Variants in FBXO16 observed in about 807,000 individuals in gnomAD.
FBXO16 encodes F-box only protein 16.
FBXO16 carries 31 observed loss-of-function variants against 41.0 expected under a neutral mutation model. The ratio of observed to expected loss-of-function variants is 0.76; its 90% CI spans 0.57 to 1.02. FBXO16 has a LOEUF of 1.02. Ranked by LOEUF, FBXO16 falls within the 50% of genes least tolerant of loss-of-function variation. The pLI, the probability that FBXO16 is intolerant of heterozygous loss-of-function variation, is 0.00. For missense variants in FBXO16, 361 were observed against 346.2 expected (o/e 1.04, Z -0.34); for synonymous variants, 133 against 117.8 (o/e 1.13, Z -0.84).
At chr8:28,437,527 T>C (rs1041409691) in intron 7 of FBXO16, among the ~76,000 whole-genome samples, 7 of 152,302 alleles carry the variant, frequency 4.6e-5, no homozygotes, top group African/African-American at 1.2e-4. Context: ...ACATAATCCA[T>C]GGCACTGAGT....
intron 2 of FBXO16, among the ~76,000 whole-genome samples, chr8:28,477,435 T>C (rs1193277561): frequency 6.6e-6 from 1 of 152,178 alleles, no homozygotes; most frequent in Non-Finnish European, 1.5e-5. Flanking sequence ...AGAAGGGACC[T>C]TCAAGGTCAT....
intron 3 of FBXO16, chr8:28,465,519 G>T (rs1347561090): frequency 1.4e-5 from 5 of 350,284 alleles, no homozygotes; most frequent in Non-Finnish European, 2.4e-5. Flanking sequence ...GGAGGCTGAG[G>T]TGGGAGAATT....
At position 28,474,316 on chromosome 8, in the gene FBXO16, C is replaced by CA; in HGVS notation, c.100-510dup. 6.7e-3 allele frequency among the ~76,000 whole-genome samples: 379 copies of CA among 56,636 alleles called. 69 individuals are homozygous for CA. Among genetic ancestry groups the CA allele is most frequent in the Non-Finnish European group, 9.7e-3 (289 of 29,726 alleles). The allele number at this position is 56,636 out of a possible 152,430, so 37.2% of individuals were successfully genotyped here. A position where few individuals can be genotyped will look rare whatever the true frequency, so the allele number is the denominator to read the frequency against. ...CCTGGGTAACAGAGCCAGACCCTGT[C>CA]AAAAAAAAAAAAAAAAAAAAAAAAA... On this transcript the variant is annotated intron_variant, in intron 2 of 8. Coordinates refer to ENST00000380254, the MANE Select transcript of FBXO16 (RefSeq NM_172366.4).
At chr8:28,461,369 G>A (rs1803131687) in intron 4 of FBXO16, among the ~76,000 whole-genome samples, 1 of 151,820 alleles carries the variant, frequency 6.6e-6, no homozygotes, top group Admixed American at 6.6e-5. Context: ...ATATATGAAA[G>A]TTCTTGTTTC....
intron 7 of FBXO16, among the ~76,000 whole-genome samples, chr8:28,430,350 A>G (rs1191302101): frequency 6.6e-6 from 1 of 152,158 alleles, no homozygotes; most frequent in African/African-American, 2.4e-5. Flanking sequence ...AAGTGCTGGG[A>G]TTACAGGCCC....
chr8:28,482,960 T>A (rs1220785985), intron 2 of FBXO16, among the ~76,000 whole-genome samples: 1 of 152,136 alleles, frequency 6.6e-6, no homozygotes, highest in African/African-American at 2.4e-5. Flanking sequence ...TTATTAAATG[T>A]GCAGCATTAC....
rs536380953 is a variant in FBXO16 at position 28,465,325 on chromosome 8, G to T, written c.136-1507C>A. The T allele has an allele frequency of 4.9e-4, 207 of 426,736 alleles. 2 individuals are homozygous for T. The highest frequency in any genetic ancestry group is 4.0e-3 in the African/African-American group (192 of 48,500). 26.4% of individuals were successfully genotyped at this position (426,736 alleles called of 1,614,324 possible). A position where few individuals can be genotyped will look rare whatever the true frequency, so the allele number is the denominator to read the frequency against. ...TTGGCTTCAGGGGCAGAAATGTGTT[G>T]AAGAAAGGAGAAATAGGCCCCGTGT... On this transcript the variant is annotated intron_variant, in intron 3 of 8. Coordinates refer to ENST00000380254, the MANE Select transcript of FBXO16 (RefSeq NM_172366.4).
chr8:28,431,566 C>T (rs1483079205), intron 7 of FBXO16, among the ~76,000 whole-genome samples: 1 of 152,172 alleles, frequency 6.6e-6, no homozygotes, highest in Admixed American at 6.5e-5. Flanking sequence ...TTTCCCTTGG[C>T]TGTGAATCCA....
At chr8:28,439,685 G>A (rs1166224881) in intron 7 of FBXO16, among the ~76,000 whole-genome samples, 1 of 151,762 alleles carries the variant, frequency 6.6e-6, no homozygotes, top group Non-Finnish European at 1.5e-5. Context: ...TGTTGAGGCT[G>A]CAGTGAGCTG....
intron 7 of FBXO16, among the ~76,000 whole-genome samples, chr8:28,436,924 A>AT (rs904629780): frequency 1.3e-5 from 2 of 151,916 alleles, no homozygotes; most frequent in African/African-American, 2.4e-5. Context: ...GCTAACTTTC[A>AT]TTTTTTGTAG....
chr8:28,478,930 G>A (rs1803466072), intron 2 of FBXO16, among the ~76,000 whole-genome samples: 1 of 151,980 alleles, frequency 6.6e-6, no homozygotes, highest in South Asian at 2.1e-4. Flanking sequence ...CATCCTCCTA[G>A]TGCTGTCATC....
intron 3 of FBXO16, among the ~76,000 whole-genome samples, chr8:28,470,955 G>A (rs769799705): frequency 2.0e-4 from 31 of 152,264 alleles, no homozygotes; most frequent in Non-Finnish European, 4.0e-4. Context: ...ATTAAAATGG[G>A]TTATTATGTT....
At chr8:28,460,225 G>GTGTATATATATATATATATATATATATA (rs1554526791) in intron 4 of FBXO16, among the ~76,000 whole-genome samples, 1 of 75,226 alleles carries the variant, frequency 1.3e-5, no homozygotes, top group African/African-American at 7.0e-5. Context: ...ATATGTGTGT[G>GTGTATATATATATATATATATATATATA]TATATATATA....
chr8:28,480,808 A>AAAATAAACGT (rs1803498811), intron 2 of FBXO16, among the ~76,000 whole-genome samples: 1 of 151,990 alleles, frequency 6.6e-6, no homozygotes. Context: ...CCTAGCCCTG[A>AAAATAAACGT]CTCCATTTCT....
chr8:28,430,761 C>A (rs1174621726), intron 7 of FBXO16, among the ~76,000 whole-genome samples: 1 of 152,066 alleles, frequency 6.6e-6, no homozygotes, highest in Non-Finnish European at 1.5e-5. Context: ...CACCTGAGAT[C>A]AGGAGTTGAG....
At chr8:28,462,980 A>G (rs1378045177) in intron 4 of FBXO16, among the ~76,000 whole-genome samples, 1 of 152,228 alleles carries the variant, frequency 6.6e-6, no homozygotes, top group East Asian at 1.9e-4. Context: ...TTACATGTAT[A>G]TTTAGTTCCC....
chr8:28,432,008 T>G (rs890308713), intron 7 of FBXO16, among the ~76,000 whole-genome samples: 5 of 149,708 alleles, frequency 3.3e-5, no homozygotes, highest in Non-Finnish European at 7.4e-5. Context: ...GCATATGTAG[T>G]GAGCAAACGT....
chr8:28,440,846 C>T (rs1485922862), intron 7 of FBXO16, among the ~76,000 whole-genome samples: 9 of 152,148 alleles, frequency 5.9e-5, no homozygotes, highest in African/African-American at 2.2e-4. Context: ...GGACATCTAA[C>T]TCCCAAGTAA....
At chr8:28,475,188 G>A (rs1803405135) in intron 2 of FBXO16, among the ~76,000 whole-genome samples, 1 of 152,166 alleles carries the variant, frequency 6.6e-6, no homozygotes, top group Non-Finnish European at 1.5e-5. Flanking sequence ...AGAGGCTGAG[G>A]AGCTGGTTTT....
Sources: allele counts gnomAD v4.1 joint callset (sites outside exome capture counted in the v4.1 genomes callset), GRCh38; gene constraint gnomAD v4.1.1; transcripts MANE v1.5; gene names NCBI Gene and HGNC (gene_info 2026-07-23, HGNC 2026-07-21).